The following KAT6B variants were observed in gnomAD, a reference collection of about 807,000 sequenced individuals.
The protein encoded by KAT6B is histone acetyltransferase KAT6B.
Under a neutral mutation model 187.5 loss-of-function variants are expected in KAT6B, and 10 were observed. The observed-to-expected ratio is 0.05, with a 90% CI of 0.03 to 0.09. KAT6B has a LOEUF of 0.09. Among genes scored for constraint, KAT6B ranks in the 10% least tolerant of loss-of-function variants. The pLI is 1.00. For synonymous variants in KAT6B, 861 were observed against 926.8 expected, an observed-to-expected ratio of 0.93 and a Z score of 1.29; for missense variants, 1,952 against 2,558.9, an observed-to-expected ratio of 0.76 and a Z score of 5.12.
At chr10:74,944,781 C>A (rs949422051) in intron 3 of KAT6B, among the ~76,000 whole-genome samples, 2 of 139,708 alleles carry the variant, frequency 1.4e-5, no homozygotes, top group Non-Finnish European at 3.0e-5. Context: ...TGCACTCCAG[C>A]CCGGGCGACA....
intron 13 of KAT6B, among the ~76,000 whole-genome samples, chr10:75,006,856 C>G (rs1304428798): frequency 1.4e-3 from 1 of 708 alleles, no homozygotes; most frequent in Non-Finnish European, 4.5e-3. Context: ...TGCCTGAGCT[C>G]AGGGAGTTCA....
chr10:74,944,196 A>G (rs983711890), intron 3 of KAT6B, among the ~76,000 whole-genome samples: 1 of 152,170 alleles, frequency 6.6e-6, no homozygotes, highest in African/African-American at 2.4e-5. Context: ...AATTTCCCTG[A>G]GTTGGGCCCT....
At chr10:74,993,540 A>G (rs1843241330) in intron 13 of KAT6B, among the ~76,000 whole-genome samples, 1 of 152,220 alleles carries the variant, frequency 6.6e-6, no homozygotes, top group Non-Finnish European at 1.5e-5. Flanking sequence ...ATTAAAATCA[A>G]GATATTAAAG....
intron 13 of KAT6B, among the ~76,000 whole-genome samples, chr10:75,016,838 C>T (rs547802801): frequency 1.8e-4 from 26 of 148,362 alleles, no homozygotes; most frequent in African/African-American, 6.4e-4. Flanking sequence ...CAGGATAATA[C>T]ACCAGCTTCT....
chr10:74,866,624 GA>G (rs965998775), intron 3 of KAT6B, among the ~76,000 whole-genome samples: 1 of 152,050 alleles, frequency 6.6e-6, no homozygotes, highest in Non-Finnish European at 1.5e-5. Flanking sequence ...ATTGTAAGTG[GA>G]AAACAAGCAT....
intron 1 of KAT6B, among the ~76,000 whole-genome samples, chr10:74,828,677 C>G (rs1009036193): frequency 8.7e-5 from 13 of 148,772 alleles, no homozygotes; most frequent in Non-Finnish European, 1.6e-4. Context: ...ACGCCATTGT[C>G]CTGCCTCAGC....
Position 74,879,524 on chromosome 10 carries a change from G to C in KAT6B, c.621+36046G>C, listed in dbSNP as rs531502292. On this transcript the variant is annotated intron_variant, in intron 3 of 17. Transcript: ENST00000287239. ...AGAAGAGCTCCATGGGATTTGCTTG[G>C]TGCTCGTGAGATTTTGACTGACAAG... Among the ~76,000 whole-genome samples the C allele has an allele frequency of 1.3e-4, 20 of 152,292 alleles. No individual in the cohort carries two copies. In the South Asian group the frequency reaches 3.9e-3, roughly 30 times the overall value.
intron 1 of KAT6B, chr10:74,827,014 G>A (rs1840307836): frequency 1.1e-5 from 1 of 92,126 alleles, no homozygotes; most frequent in African/African-American, 4.4e-5. Context: ...AAGGGGGCGG[G>A]GCTCGAGGGC....
intron 3 of KAT6B, among the ~76,000 whole-genome samples, chr10:74,957,368 A>G (rs1257315337): frequency 6.6e-6 from 1 of 152,250 alleles, no homozygotes; most frequent in Non-Finnish European, 1.5e-5. Flanking sequence ...ATACATCAGC[A>G]TGGCGGGGTT....
At chr10:74,840,487 G>A (rs538843775) in intron 2 of KAT6B, among the ~76,000 whole-genome samples, 1 of 152,316 alleles carries the variant, frequency 6.6e-6, no homozygotes, top group South Asian at 2.1e-4. Context: ...GAATAGGGTC[G>A]AAGTTATGGG....
chr10:74,844,606 A>G (rs1179814967), intron 3 of KAT6B, among the ~76,000 whole-genome samples: 1 of 152,128 alleles, frequency 6.6e-6, no homozygotes, highest in Non-Finnish European at 1.5e-5. Context: ...GTGAATGTTT[A>G]TTTTGTCTCA....
At chr10:74,995,262 A>T (rs1843354961) in intron 13 of KAT6B, among the ~76,000 whole-genome samples, 1 of 152,232 alleles carries the variant, frequency 6.6e-6, no homozygotes. Context: ...CACTGTGTTT[A>T]AATGTTACTA....
At position 75,030,573 on chromosome 10, in the gene KAT6B, A is replaced by G. The variant is rs199662367; in HGVS notation, c.5749A>G (p.Ile1917Val). ...ISHSQRLQTQIASKGHISMRT... is the reference protein window; with the variant it reads ...ISHSQRLQTQVASKGHISMRT... ...TCACAGCCAAAGACTGCAAACCCAG[A>G]TTGCCAGCAAGGGCCACATCTCCAT... is the stretch of plus-strand genomic sequence containing the variant. Residue 1917 changes from isoleucine (I) to valine (V), a missense_variant, in exon 18 of 18, where the codon ATT becomes GTT. Coordinates refer to ENST00000287239, the MANE Select transcript of KAT6B (RefSeq NM_012330.4). The surrounding 1 kb of genome is among the most constrained non-coding windows in gnomAD (Gnocchi z 4.8). 567 of 1,608,982 alleles carry G rather than the reference A, an allele frequency of 3.5e-4. No homozygotes were observed. The highest frequency in any genetic ancestry group is 4.6e-4 in the Non-Finnish European group (546 of 1,175,904).
In KAT6B at chr10:75,031,668, A is replaced by C; in HGVS notation, c.*622A>C. 4.7e-6 allele frequency: 1 copy of C among 211,110 alleles called. No individual in the cohort carries two copies. Among genetic ancestry groups the C allele is most frequent in the East Asian group, 7.2e-5 (1 of 13,944 alleles). 13.1% of individuals were successfully genotyped at this position (211,110 alleles called of 1,614,324 possible). A position where few individuals can be genotyped will look rare whatever the true frequency, so the allele number is the denominator to read the frequency against. On this transcript the variant is annotated 3_prime_UTR_variant, in exon 18 of 18. Coordinates refer to ENST00000287239, the MANE Select transcript of KAT6B (RefSeq NM_012330.4). ...AAAACTGTAAAGAGCTATAAAAGCT[A>C]TTCCCATTTGGTTAGTCAAAAGGGT...
chr10:74,842,346 T>C (rs1841805695), intron 2 of KAT6B, among the ~76,000 whole-genome samples: 1 of 152,218 alleles, frequency 6.6e-6, no homozygotes, highest in East Asian at 1.9e-4. Context: ...TAATTAAATG[T>C]ATAATTTAGA....
intron 4 of KAT6B, among the ~76,000 whole-genome samples, chr10:74,965,675 G>A (rs983567181): frequency 1.3e-5 from 2 of 151,898 alleles, no homozygotes; most frequent in South Asian, 2.1e-4. Context: ...GATTAAAATC[G>A]GGGTATCAGC....
rs536435279 is a variant in KAT6B, at chr10:74,938,331, C to T, written c.622-21639C>T. Among the ~76,000 whole-genome samples the T allele has an allele frequency of 3.9e-5, 6 of 152,202 alleles. No individual in the cohort carries two copies. In the South Asian group the frequency reaches 6.2e-4, roughly 16 times the overall value. ...AAAGTTTAAGAAGCACTGATCTACA[C>T]CATCCTCCCCACCCCCCAGCTATCC... On this transcript the variant is annotated intron_variant, in intron 3 of 17. Transcript: ENST00000287239.
intron 14 of KAT6B, 136 bp downstream of exon 14, chr10:75,020,949 AAC>A (rs1845359713): frequency 2.0e-6 from 2 of 977,994 alleles, no homozygotes. Context: ...TCCTAAAAAT[AAC>A]ACATGAAATG....
At chr10:74,835,712 T>TTTAAACTTTAAA (rs1412537486) in intron 1 of KAT6B, among the ~76,000 whole-genome samples, 1 of 152,256 alleles carries the variant, frequency 6.6e-6, no homozygotes, top group African/African-American at 2.4e-5. Flanking sequence ...TAAAGTTTAC[T>TTTAAACTTTAAA]GATAATCTAT....
Sources: allele counts gnomAD v4.1 joint callset (sites outside exome capture counted in the v4.1 genomes callset), GRCh38; gene constraint gnomAD v4.1.1; non-coding constraint Gnocchi (gnomAD v3.1); transcripts MANE v1.5; gene names NCBI Gene and HGNC (gene_info 2026-07-23, HGNC 2026-07-21).